The following PDE4B variants were observed in gnomAD, a reference collection of about 807,000 sequenced individuals.
PDE4B encodes the protein phosphodiesterase 4B.
Under a neutral mutation model 82.2 loss-of-function variants are expected in PDE4B, and 20 were observed. The ratio of observed to expected loss-of-function variants is 0.24; its 90% CI spans 0.17 to 0.35. PDE4B has a LOEUF of 0.35. Among genes scored for constraint, PDE4B ranks in the 10% least tolerant of loss-of-function variants. The pLI, the probability that PDE4B is intolerant of heterozygous loss-of-function variation, is 1.00. For synonymous variants in PDE4B, 320 were observed against 318.9 expected (o/e 1.00, Z -0.04); for missense variants, 655 against 907.2 (o/e 0.72, Z 3.57).
intron 7 of PDE4B, among the ~76,000 whole-genome samples, chr1:66,267,756 A>G (rs921548362): frequency 2.0e-5 from 3 of 152,214 alleles, no homozygotes; most frequent in Non-Finnish European, 4.4e-5. Context: ...AGTGATACCA[A>G]TTACTACGTA....
intron 3 of PDE4B, among the ~76,000 whole-genome samples, chr1:66,094,058 AGT>A (rs1461437885): frequency 6.6e-6 from 1 of 152,138 alleles, no homozygotes; most frequent in East Asian, 1.9e-4. Context: ...TATAATTCAT[AGT>A]CAGGCAGCAA....
At chr1:66,113,088 C>A (rs557147967) in intron 3 of PDE4B, among the ~76,000 whole-genome samples, 2 of 152,276 alleles carry the variant, frequency 1.3e-5, no homozygotes, top group South Asian at 4.2e-4. Flanking sequence ...TGCTTTTCCC[C>A]ATGGATTTGA....
intron 1 of PDE4B, among the ~76,000 whole-genome samples, chr1:65,841,667 C>T (rs1368576932): frequency 6.6e-6 from 1 of 152,074 alleles, no homozygotes; most frequent in African/African-American, 2.4e-5. Context: ...TGGAGAGGAT[C>T]CAAACTTCAA....
intron 6 of PDE4B, among the ~76,000 whole-genome samples, chr1:66,263,836 A>G (rs2101723704): frequency 6.6e-6 from 1 of 152,308 alleles, no homozygotes; most frequent in South Asian, 2.1e-4. Context: ...CTTCCTTGAC[A>G]GGGGAATGAA....
In PDE4B at chr1:65,903,887, A is replaced by G. The variant is rs1646999226; in HGVS notation, c.-70-9358A>G. Among the ~76,000 whole-genome samples, 4 of 152,220 alleles carry G rather than the reference A, an allele frequency of 2.6e-5. No homozygotes were observed. In the South Asian group the frequency reaches 6.2e-4, roughly 24 times the overall value. ...AGGTAGGGAATCACTGGCAGACTTC[A>G]TATCCAATTATATTTCAGTTAAGCC... On this transcript the variant is annotated intron_variant, in intron 1 of 16. Coordinates refer to ENST00000341517, the MANE Select transcript of PDE4B (RefSeq NM_002600.4).
intron 3 of PDE4B, among the ~76,000 whole-genome samples, chr1:65,987,328 C>T (rs916458062): frequency 2.6e-5 from 4 of 152,108 alleles, no homozygotes; most frequent in African/African-American, 9.7e-5. Flanking sequence ...TAAATAGCAT[C>T]ATATGGATAA....
At chr1:65,865,874 T>C (rs1249191345) in intron 1 of PDE4B, among the ~76,000 whole-genome samples, 1 of 152,140 alleles carries the variant, frequency 6.6e-6, no homozygotes, top group Non-Finnish European at 1.5e-5. Context: ...GATACAGTCT[T>C]TCTCTCTGTC....
chr1:66,089,400 T>C lies in PDE4B; in HGVS notation c.282-158060T>C, dbSNP rs143249747. ...TGTGTTCAGATTTCTTGAAAATGTT[T>C]TCTCCATGTTTATCTGAGAAATTGT... On this transcript the variant is annotated intron_variant, in intron 3 of 16. Transcript: ENST00000341517. 2.2e-3 allele frequency among the ~76,000 whole-genome samples: 334 copies of C among 152,254 alleles called. 1 individual carries two copies. The highest frequency in any genetic ancestry group is 3.2e-3 in the Non-Finnish European group (215 of 68,002).
At chr1:65,836,240 A>C (rs1208177070) in intron 1 of PDE4B, among the ~76,000 whole-genome samples, 1 of 152,038 alleles carries the variant, frequency 6.6e-6, no homozygotes, top group African/African-American at 2.4e-5. Context: ...CTGCACCCGG[A>C]CTTAGTAGCT....
At chr1:66,293,370 G>A (rs142989659) in intron 7 of PDE4B, among the ~76,000 whole-genome samples, 196 of 151,450 alleles carry the variant, frequency 1.3e-3, no homozygotes, top group Admixed American at 1.7e-3. Flanking sequence ...ATTGTAGCTC[G>A]ATGACTTATT....
At chr1:65,879,224 A>C (rs996123103) in intron 1 of PDE4B, among the ~76,000 whole-genome samples, 1 of 152,164 alleles carries the variant, frequency 6.6e-6, no homozygotes, top group Non-Finnish European at 1.5e-5. Flanking sequence ...AACCCAAAGC[A>C]GGGAAGGGAA....
intron 6 of PDE4B, among the ~76,000 whole-genome samples, chr1:66,262,019 G>A (rs521557): frequency 0.21 from 32,580 of 152,116 alleles, 7,255 homozygotes; most frequent in African/African-American, 0.55. Flanking sequence ...CATCATGAAT[G>A]TCACCTGTGG....
intron 3 of PDE4B, among the ~76,000 whole-genome samples, chr1:65,924,366 G>A (rs1042229050): frequency 4.0e-5 from 6 of 151,498 alleles, no homozygotes; most frequent in South Asian, 2.1e-4. Context: ...GAGCCACCGC[G>A]CCCGGCCGCT....
chr1:66,022,045 TTCCTA>T (rs1471230865), intron 3 of PDE4B, among the ~76,000 whole-genome samples: 2 of 152,234 alleles, frequency 1.3e-5, no homozygotes. Flanking sequence ...GTAAGTTGTA[TTCCTA>T]GATATTTTAT....
chr1:66,034,186 T>C (rs1364610936), intron 3 of PDE4B, among the ~76,000 whole-genome samples: 4 of 152,216 alleles, frequency 2.6e-5, no homozygotes, highest in African/African-American at 9.6e-5. Context: ...ATATTTTGCA[T>C]ACCCTTAATT....
chr1:66,319,167 A>T (rs1659227609), intron 7 of PDE4B, among the ~76,000 whole-genome samples: 1 of 152,218 alleles, frequency 6.6e-6, no homozygotes, highest in African/African-American at 2.4e-5. Flanking sequence ...ATCACTCAGG[A>T]TAGCATCAGG....
chr1:66,090,621 A>ATGTGTGTGTGTGTGTGTGTGTGTGTGTG (rs146947689), intron 3 of PDE4B, among the ~76,000 whole-genome samples: 4 of 122,730 alleles, frequency 3.3e-5, no homozygotes, highest in African/African-American at 1.2e-4. Flanking sequence ...TATATAATAT[A>ATGTGTGTGTGTGTGTGTGTGTGTGTGTG]TGTGTGTGTG....
intron 3 of PDE4B, among the ~76,000 whole-genome samples, chr1:66,150,276 A>G (rs1470183710): frequency 1.3e-5 from 2 of 152,214 alleles, no homozygotes; most frequent in South Asian, 2.1e-4. Context: ...CTGAAAGAAA[A>G]AAAAAGGGCC....
At chr1:66,179,667 C>A (rs1647018908) in intron 3 of PDE4B, among the ~76,000 whole-genome samples, 1 of 152,180 alleles carries the variant, frequency 6.6e-6, no homozygotes, top group African/African-American at 2.4e-5. Flanking sequence ...GTCATTTGAA[C>A]AATTGTAGTT....
Sources: allele counts gnomAD v4.1 joint callset (sites outside exome capture counted in the v4.1 genomes callset), GRCh38; gene constraint gnomAD v4.1.1; transcripts MANE v1.5; gene names NCBI Gene and HGNC (gene_info 2026-07-23, HGNC 2026-07-21).